The following SLIT2 variants were observed in gnomAD, a reference collection of about 807,000 sequenced individuals.
The protein encoded by SLIT2 is slit homolog 2 protein.
Under a neutral mutation model 185.7 loss-of-function variants are expected in SLIT2, and 41 were observed. That is an observed-to-expected ratio of 0.22 (90% confidence interval 0.17 to 0.29). SLIT2 has a LOEUF of 0.29. Among genes scored for constraint, SLIT2 ranks in the 10% least tolerant of loss-of-function variants. The probability of loss-of-function intolerance (pLI) is 1.00; values close to 1 mark genes in which losing one functional copy is unlikely to be tolerated. For missense variants in SLIT2, 1,571 were observed against 1,909.0 expected (o/e 0.82, Z 3.30); for synonymous variants, 693 against 680.2 (o/e 1.02, Z -0.29).
intron 12 of SLIT2, among the ~76,000 whole-genome samples, chr4:20,520,151 C>T (rs1181731201): frequency 6.6e-6 from 1 of 151,770 alleles, no homozygotes; most frequent in Non-Finnish European, 1.5e-5. Flanking sequence ...GTGCGGTGAG[C>T]TGTAACACAC....
In SLIT2 at chr4:20,456,026, T is replaced by C. The variant is rs902406290; in HGVS notation, c.396-11726T>C. On this transcript the variant is annotated intron_variant, in intron 4 of 36. Coordinates refer to ENST00000504154, the MANE Select transcript of SLIT2 (RefSeq NM_004787.4). ...GATTGGCTATATTTATAGACCACTT[T>C]TACAAAGTCAGAATTGAGTATATAC... Among the ~76,000 whole-genome samples the C allele has an allele frequency of 2.0e-5, 3 of 152,230 alleles. No individual in the cohort carries two copies. In the East Asian group the frequency reaches 5.8e-4, roughly 29 times the overall value.
chr4:20,337,351 G>A (rs1469696690), intron 4 of SLIT2, among the ~76,000 whole-genome samples: 2 of 152,088 alleles, frequency 1.3e-5, no homozygotes, highest in African/African-American at 4.8e-5. Context: ...GTCATGAGAT[G>A]TATTCACTAT....
chr4:20,312,603 A>C (rs1329425692), intron 4 of SLIT2, among the ~76,000 whole-genome samples: 2 of 151,632 alleles, frequency 1.3e-5, no homozygotes, highest in Non-Finnish European at 2.9e-5. Context: ...GAAACCCCAT[A>C]TCTACTAAAA....
At chr4:20,391,302 A>G (rs1009723687) in intron 4 of SLIT2, among the ~76,000 whole-genome samples, 1 of 152,100 alleles carries the variant, frequency 6.6e-6, no homozygotes, top group Admixed American at 6.6e-5. Context: ...TTCCTGATGC[A>G]TGAAATAACT....
In SLIT2 at chr4:20,550,824, T is replaced by C. The variant is rs780616556; in HGVS notation, c.2490-3T>C. ...GTTTAATTTTTCTTTTTCTTTCTTT[T>C]AGTTCTCTACATGGAAATGACATTT... On this transcript the variant is annotated splice_polypyrimidine_tract_variant and splice_region_variant and intron_variant, in intron 24 of 36. Coordinates refer to ENST00000504154, the MANE Select transcript of SLIT2 (RefSeq NM_004787.4). 1 of 1,592,752 alleles carries C rather than the reference T, an allele frequency of 6.3e-7. No homozygotes were observed. Among genetic ancestry groups the C allele is most frequent in the Non-Finnish European group, 8.6e-7 (1 of 1,163,446 alleles).
At chr4:20,491,372 C>T (rs1717766811) in intron 8 of SLIT2, among the ~76,000 whole-genome samples, 2 of 152,160 alleles carry the variant, frequency 1.3e-5, no homozygotes, top group African/African-American at 2.4e-5. Flanking sequence ...AATAAAGCTG[C>T]ATGAATTTGA....
chr4:20,430,591 A>G (rs1358936676), intron 4 of SLIT2, among the ~76,000 whole-genome samples: 1 of 152,140 alleles, frequency 6.6e-6, no homozygotes, highest in Non-Finnish European at 1.5e-5. Flanking sequence ...TGAATGAATA[A>G]CCCTTAACCT....
chr4:20,522,044 G>A (rs3775813), intron 12 of SLIT2, among the ~76,000 whole-genome samples: 3,112 of 152,020 alleles, frequency 0.02, 80 homozygotes, highest in Admixed American at 0.074. Context: ...CTCTTAAGGC[G>A]GGAATTTAAA....
chr4:20,599,092 A>G (rs1394412400), intron 33 of SLIT2, among the ~76,000 whole-genome samples: 1 of 152,210 alleles, frequency 6.6e-6, no homozygotes, highest in African/African-American at 2.4e-5. Context: ...TTTAAGGAAC[A>G]AAGCCCCTGC....
At chr4:20,473,353 C>A (rs1046531241) in intron 5 of SLIT2, among the ~76,000 whole-genome samples, 4 of 151,868 alleles carry the variant, frequency 2.6e-5, no homozygotes, top group Non-Finnish European at 5.9e-5. Flanking sequence ...ACATGCATTA[C>A]TTTTTAGACA....
intron 18 of SLIT2, among the ~76,000 whole-genome samples, chr4:20,534,675 T>G (rs11931405): frequency 6.6e-6 from 1 of 151,842 alleles, no homozygotes; most frequent in South Asian, 2.1e-4. Context: ...TCTGTCTCCC[T>G]CAAACCCACG....
At chr4:20,323,048 C>T (rs1020305164) in intron 4 of SLIT2, among the ~76,000 whole-genome samples, 1 of 152,092 alleles carries the variant, frequency 6.6e-6, no homozygotes, top group African/African-American at 2.4e-5. Context: ...TTTATTATCT[C>T]CATTTTGCAG....
chr4:20,453,041 T>G (rs1364488634), intron 4 of SLIT2, among the ~76,000 whole-genome samples: 1 of 152,222 alleles, frequency 6.6e-6, no homozygotes, highest in Non-Finnish European at 1.5e-5. Flanking sequence ...TCCCTCAAAA[T>G]ATCTGCTAGC....
intron 12 of SLIT2, among the ~76,000 whole-genome samples, chr4:20,520,009 G>A (rs1402749290): frequency 2.1e-5 from 3 of 146,108 alleles, no homozygotes; most frequent in African/African-American, 5.1e-5. Flanking sequence ...ACTCCAGCCC[G>A]GGCGACAGAG....
intron 30 of SLIT2, among the ~76,000 whole-genome samples, chr4:20,594,758 G>T (rs756914815): frequency 2.0e-5 from 3 of 152,220 alleles, no homozygotes; most frequent in Non-Finnish European, 2.9e-5. Context: ...GCATAGTGCA[G>T]TGGTTAGAAA....
rs1285540875 is a variant in SLIT2 at position 20,472,635 on chromosome 4, T to TATAG, written c.467+4814_467+4815insAGAT. Among the ~76,000 whole-genome samples, 3 of 127,110 alleles carry TATAG rather than the reference T, an allele frequency of 2.4e-5. 1 individual carries two copies. The highest frequency in any genetic ancestry group is 5.1e-5 in the Non-Finnish European group (3 of 59,084). 83.4% of individuals were successfully genotyped at this position (127,110 alleles called of 152,430 possible). A position where few individuals can be genotyped will look rare whatever the true frequency, so the allele number is the denominator to read the frequency against. ...CTATATATATCGATATATCTATATA[T>TATAG]ATCGATATATATATTTAAAAGCCTT... is the stretch of plus-strand genomic sequence containing the variant. On this transcript the variant is annotated intron_variant, in intron 5 of 36. Transcript: ENST00000504154.
intron 4 of SLIT2, among the ~76,000 whole-genome samples, chr4:20,397,874 T>C (rs1048958510): frequency 2.6e-5 from 4 of 151,858 alleles, no homozygotes; most frequent in Non-Finnish European, 4.4e-5. Context: ...GATCTAGAAC[T>C]AACTTTCTGT....
chr4:20,367,185 A>C (rs1346965058), intron 4 of SLIT2, among the ~76,000 whole-genome samples: 1 of 152,184 alleles, frequency 6.6e-6, no homozygotes, highest in Non-Finnish European at 1.5e-5. Context: ...AATCATATTC[A>C]AAAAATGCAT....
At chr4:20,407,104 AATCTGT>A (rs2109416190) in intron 4 of SLIT2, among the ~76,000 whole-genome samples, 1 of 152,306 alleles carries the variant, frequency 6.6e-6, no homozygotes, top group African/African-American at 2.4e-5. Context: ...TGGCAGAACT[AATCTGT>A]AATAACATCA....
Sources: gnomAD v4.1 joint callset for allele counts (sites outside exome capture counted in the v4.1 genomes callset) on GRCh38, gnomAD v4.1.1 for gene constraint, MANE v1.5 for transcripts, NCBI Gene and HGNC (gene_info 2026-07-23, HGNC 2026-07-21) for gene names.